RSPH1: variants seen among roughly 807,000 people sequenced by gnomAD.
The protein encoded by RSPH1 is radial spoke head 1 homolog.
A neutral mutation model predicts 44.2 loss-of-function variants in RSPH1; 32 were observed. The ratio of observed to expected loss-of-function variants is 0.72; its 90% CI spans 0.55 to 0.97. The LOEUF (loss-of-function observed/expected upper bound fraction) is 0.97. RSPH1 is among the 50% of genes least tolerant of loss of function. The probability of loss-of-function intolerance (pLI) is 0.00; values close to 1 mark genes in which losing one functional copy is unlikely to be tolerated. For synonymous variants in RSPH1, 134 were observed against 147.3 expected, an observed-to-expected ratio of 0.91 and a Z score of 0.65; for missense variants, 391 against 398.7, an observed-to-expected ratio of 0.98 and a Z score of 0.16.
At chr21:42,485,892 G>C in intron 4 of RSPH1, 88 bp from the exon 5 acceptor site, 1 of 1,541,530 alleles carries the variant, frequency 6.5e-7, no homozygotes, top group African/African-American at 1.4e-5. Flanking sequence ...CATTGAGGGA[G>C]GCCCAGGCTG....
At chr21:42,489,365 C>T (rs1162294303) in intron 3 of RSPH1, among the ~76,000 whole-genome samples, 1 of 151,696 alleles carries the variant, frequency 6.6e-6, no homozygotes, top group Non-Finnish European at 1.5e-5. Flanking sequence ...GCTTGGTTGG[C>T]TAGTCAGTTG....
At chr21:42,476,999 ACAGCCCGGGGGATGCCCCACACCC>A (rs2054061489) in intron 7 of RSPH1, among the ~76,000 whole-genome samples, 2 of 24,952 alleles carry the variant, frequency 8.0e-5, no homozygotes, top group Non-Finnish European at 9.6e-5. Context: ...CCTCTGTCCC[ACAGCCCGGGGGATGCCCCACACCC>A]TCTGTCCCAC....
rs1568958740 is a variant in RSPH1, at chr21:42,477,029, C to CCACT, written c.727+261_727+262insAGTG. ...CCGGGGGATGCCCCACACCCTCTGT[C>CCACT]CCACAGCCCGGGGGTGCCCCACACC... On this transcript the variant is annotated intron_variant, in intron 7 of 8. Transcript: ENST00000291536. 5.4e-3 allele frequency among the ~76,000 whole-genome samples: 331 copies of CCACT among 60,910 alleles called. 11 individuals carry two copies. The highest frequency in any genetic ancestry group is 7.4e-3 in the Admixed American group (37 of 5,016). 40.0% of individuals were successfully genotyped at this position (60,910 alleles called of 152,430 possible). A position where few individuals can be genotyped will look rare whatever the true frequency, so the allele number is the denominator to read the frequency against.
chr21:42,477,380 T>G lies in RSPH1; in HGVS notation c.638A>C (p.Gln213Pro), dbSNP rs1403144349. The G allele has an allele frequency of 6.2e-7, 1 of 1,614,190 alleles. No individual in the cohort carries two copies. The highest frequency in any genetic ancestry group is 8.5e-7 in the Non-Finnish European group (1 of 1,180,036). Reference sequence around the variant, plus strand: ...TGTCCACAGGGCCAATTCAGTGATTTGGGTAGCTTTCCATTTTGGAACAAC... The same window carrying G: ...TGTCCACAGGGCCAATTCAGTGATTGGGGTAGCTTTCCATTTTGGAACAAC... ...VTVVPKWKAT[Q>P]ITELALWTPT... The change falls in exon 7 of 9, where the codon CAA becomes CCA. Residue 213 changes from glutamine (Q) to proline (P), a missense_variant. Coordinates refer to ENST00000291536, the MANE Select transcript of RSPH1 (RefSeq NM_080860.4).
chr21:42,479,256 A>G (rs62215897), intron 6 of RSPH1, among the ~76,000 whole-genome samples: 18,366 of 152,144 alleles, frequency 0.12, 1,327 homozygotes, highest in South Asian at 0.23. Context: ...CTGTTCCACC[A>G]CCATCCTAAT....
rs1326592492 is a variant in RSPH1, at chr21:42,474,156, C to G, written c.878-1286G>C. Among the ~76,000 whole-genome samples, 1 of 152,216 alleles carries G rather than the reference C, an allele frequency of 6.6e-6. No homozygotes were observed. The highest frequency in any genetic ancestry group is 1.5e-5 in the Non-Finnish European group (1 of 68,040). ...AGAAGCTCAGAGAGCAAGCCTGATA[C>G]AGGCAATCCCCACAGCTCCCAGAGG... On this transcript the variant is annotated intron_variant, in intron 8 of 8. Transcript: ENST00000291536. The surrounding 1 kb of genome is among the most constrained non-coding windows in gnomAD (Gnocchi z 5.2).
chr21:42,489,094 TG>T (rs2054209542), intron 3 of RSPH1, among the ~76,000 whole-genome samples: 1 of 152,064 alleles, frequency 6.6e-6, no homozygotes, highest in South Asian at 2.1e-4. Flanking sequence ...GTTGGTTGGT[TG>T]GTTGGCTGGC....
At chr21:42,493,231 T>A in intron 1 of RSPH1, 152 bp from the exon 2 acceptor site, 1 of 711,864 alleles carries the variant, frequency 1.4e-6, no homozygotes. Context: ...ACCTTAAAGT[T>A]GAGGTAGGTA....
Position 42,488,892 on chromosome 21 carries a change from A to T in RSPH1, c.275-2431T>A, listed in dbSNP as rs115781217. Among the ~76,000 whole-genome samples, 1,420 of 152,174 alleles carry T rather than the reference A, an allele frequency of 9.3e-3. 25 individuals carry two copies. Among genetic ancestry groups the T allele is most frequent in the African/African-American group, 0.032 (1,349 of 41,516 alleles). ...TAAATTTGCACTTAATTTTTTTTTT[A>T]AAGTCTTTCTACCCCAATCCTATAC... On this transcript the variant is annotated intron_variant, in intron 3 of 8. Transcript: ENST00000291536.
intron 1 of RSPH1, among the ~76,000 whole-genome samples, chr21:42,493,873 C>G (rs7284011): frequency 0.19 from 28,553 of 152,142 alleles, 2,960 homozygotes; most frequent in African/African-American, 0.29. Flanking sequence ...ACCTCAGACT[C>G]CTGAGTAGCT....
At chr21:42,482,036 C>T (rs774063326) in intron 6 of RSPH1, among the ~76,000 whole-genome samples, 4 of 152,144 alleles carry the variant, frequency 2.6e-5, no homozygotes, top group Non-Finnish European at 5.9e-5. Flanking sequence ...CAGGACCTAA[C>T]ACTGTCTAGA....
At chr21:42,494,731 G>A (rs954030813) in intron 1 of RSPH1, among the ~76,000 whole-genome samples, 4 of 149,532 alleles carry the variant, frequency 2.7e-5, no homozygotes, top group East Asian at 1.9e-4. Context: ...AGACAGAGTC[G>A]CTCTGTTGCC....
At chr21:42,484,256 A>G (rs1444523516) in intron 5 of RSPH1, among the ~76,000 whole-genome samples, 1 of 152,226 alleles carries the variant, frequency 6.6e-6, no homozygotes, top group African/African-American at 2.4e-5. Flanking sequence ...ATGAGAATAT[A>G]TGATAAACAG....
At chr21:42,478,468 G>A (rs917814538) in intron 6 of RSPH1, among the ~76,000 whole-genome samples, 8 of 152,212 alleles carry the variant, frequency 5.3e-5, no homozygotes, top group African/African-American at 1.9e-4. Flanking sequence ...TTCAGATTCG[G>A]CAGGTCTGGG....
Position 42,486,376 on chromosome 21 carries a change from A to T in RSPH1, c.360T>A (p.His120Gln), listed in dbSNP as rs759229805. 6.2e-7 allele frequency: 1 copy of T among 1,612,340 alleles called. No homozygotes were observed. The highest frequency in any genetic ancestry group is 1.1e-5 in the South Asian group (1 of 91,046). The change falls in exon 4 of 9, where the codon CAT (histidine) becomes CAA (glutamine). Residue 120 changes from histidine (H) to glutamine (Q), a missense_variant. Transcript: ENST00000291536. ...NDTYTGEWFA[H>Q]QRHGQGTYLY... ...ACCCAAGATAGAAACCGAACCTTTGATGAGCAAACCACTCTCCAGTGTAGG... is the reference window on the plus strand; with the variant it reads ...ACCCAAGATAGAAACCGAACCTTTGTTGAGCAAACCACTCTCCAGTGTAGG...
intron 5 of RSPH1, among the ~76,000 whole-genome samples, chr21:42,483,542 G>A (rs1023162612): frequency 4.0e-5 from 6 of 151,698 alleles, no homozygotes; most frequent in African/African-American, 1.5e-4. Context: ...TTTTTTTCAA[G>A]ATTTTTAGCC....
chr21:42,475,004 A>T (rs572072165), intron 8 of RSPH1, among the ~76,000 whole-genome samples: 1 of 152,336 alleles, frequency 6.6e-6, no homozygotes, highest in East Asian at 1.9e-4. Flanking sequence ...CTGTTCCCAG[A>T]TGGCCCTTTC....
At chr21:42,478,995 A>T (rs2054099007) in intron 6 of RSPH1, among the ~76,000 whole-genome samples, 1 of 152,248 alleles carries the variant, frequency 6.6e-6, no homozygotes, top group African/African-American at 2.4e-5. Context: ...GTTGCTTAAT[A>T]GGTACAGAGT....
At chr21:42,475,786 C>A in intron 8 of RSPH1, 112 bp downstream of exon 8, 1 of 1,258,068 alleles carries the variant, frequency 7.9e-7, no homozygotes, top group Non-Finnish European at 1.1e-6. Context: ...AAGCCTTCCT[C>A]GAGTCCCTGG....
Sources: allele counts gnomAD v4.1 joint callset (sites outside exome capture counted in the v4.1 genomes callset), GRCh38; gene constraint gnomAD v4.1.1; non-coding constraint Gnocchi (gnomAD v3.1); transcripts MANE v1.5; gene names NCBI Gene and HGNC (gene_info 2026-07-23, HGNC 2026-07-21).